Variants in LAMA2 observed in about 807,000 individuals in gnomAD.
The protein encoded by LAMA2 is laminin subunit alpha 2, also known as laminin subunit alpha-2.
A neutral mutation model predicts 364.8 loss-of-function variants in LAMA2; 269 were observed. The ratio of observed to expected loss-of-function variants is 0.74; its 90% CI spans 0.67 to 0.82. The LOEUF (loss-of-function observed/expected upper bound fraction) is 0.82. LAMA2 is among the 40% of genes least tolerant of loss of function. The probability of loss-of-function intolerance (pLI) is 0.00; values close to 1 mark genes in which losing one functional copy is unlikely to be tolerated. For synonymous variants in LAMA2, 1,379 were observed against 1,370.6 expected (o/e 1.01, Z -0.14); for missense variants, 3,807 against 3,873.2 (o/e 0.98, Z 0.45).
intron 30 of LAMA2, among the ~76,000 whole-genome samples, chr6:129,345,679 A>G (rs1193741167): frequency 2.0e-5 from 3 of 152,144 alleles, no homozygotes; most frequent in Non-Finnish European, 4.4e-5. Flanking sequence ...AACACACAAA[A>G]ACTTGTGTGT....
intron 1 of LAMA2, among the ~76,000 whole-genome samples, chr6:128,899,712 C>T (rs1047518049): frequency 1.3e-5 from 2 of 151,860 alleles, no homozygotes; most frequent in Admixed American, 6.6e-5. Flanking sequence ...TTATTAATAT[C>T]ACCTAGATAA....
intron 12 of LAMA2, among the ~76,000 whole-genome samples, chr6:129,213,648 T>C (rs1783241936): frequency 6.6e-6 from 1 of 152,220 alleles, no homozygotes; most frequent in Admixed American, 6.5e-5. Context: ...TGTTTTCATG[T>C]GCTTATTTTC....
At chr6:128,982,694 G>A (rs1782963432) in intron 1 of LAMA2, among the ~76,000 whole-genome samples, 1 of 150,868 alleles carries the variant, frequency 6.6e-6, no homozygotes, top group Admixed American at 6.6e-5. Flanking sequence ...GCCTGCTGGT[G>A]TGCTGCACCC....
chr6:129,512,294 C>A, intron 62 of LAMA2, 69 bp from the exon 63 acceptor site: 3 of 1,405,626 alleles, frequency 2.1e-6, no homozygotes, highest in Non-Finnish European at 1.0e-6. Flanking sequence ...AAAAGTCATG[C>A]ATTGTACACG....
chr6:129,251,070 C>CTATATATATA (rs1786184240), intron 13 of LAMA2, among the ~76,000 whole-genome samples: 2 of 67,642 alleles, frequency 3.0e-5, no homozygotes, highest in African/African-American at 9.6e-5. Flanking sequence ...CTCTCTCTCT[C>CTATATATATA]TCTCTCTATA....
intron 1 of LAMA2, among the ~76,000 whole-genome samples, chr6:128,944,648 AAAAAG>A (rs1310735532): frequency 6.6e-6 from 1 of 151,874 alleles, no homozygotes; most frequent in East Asian, 1.9e-4. Flanking sequence ...GAAAAAAAAA[AAAAAG>A]AAGAAAGAAA....
chr6:129,476,650 C>G (rs1360769755), intron 53 of LAMA2, among the ~76,000 whole-genome samples: 3 of 151,864 alleles, frequency 2.0e-5, no homozygotes, highest in Non-Finnish European at 4.4e-5. Context: ...AGTAACAAGA[C>G]CTCTGAAAAA....
intron 14 of LAMA2, among the ~76,000 whole-genome samples, chr6:129,253,041 T>C (rs1489831171): frequency 6.6e-6 from 1 of 152,106 alleles, no homozygotes; most frequent in African/African-American, 2.4e-5. Flanking sequence ...CCCCGCCCCC[T>C]TTTTTTAAAA....
At position 128,943,269 on chromosome 6, in the gene LAMA2, C is replaced by CACAGAGAGAGAG. The variant is rs1365657711; in HGVS notation, c.112+59913_112+59914insCAGAGAGAGAGA. On this transcript the variant is annotated intron_variant, in intron 1 of 64. Transcript: ENST00000421865. Reference sequence around the variant, plus strand: ...GAGAGAGTGTGTGTGTATATATACACAGAGAGAGAGAGAGAGAGAGAGAGA... The same window carrying CACAGAGAGAGAG: ...GAGAGAGTGTGTGTGTATATATACACACAGAGAGAGAGAGAGAGAGAGAGAGAGAGAGAGAGA... Among the ~76,000 whole-genome samples, 363 of 143,176 alleles carry CACAGAGAGAGAG rather than the reference C, an allele frequency of 2.5e-3. 3 individuals carry two copies. Among genetic ancestry groups the CACAGAGAGAGAG allele is most frequent in the African/African-American group, 8.9e-3 (344 of 38,604 alleles). 93.9% of individuals were successfully genotyped at this position (143,176 alleles called of 152,430 possible).
chr6:129,017,563 T>A (rs905691902), intron 1 of LAMA2, among the ~76,000 whole-genome samples: 9 of 152,068 alleles, frequency 5.9e-5, no homozygotes, highest in East Asian at 1.9e-4. Context: ...TATATATATA[T>A]AAAATGGTTT....
chr6:129,282,530 G>C (rs1788793666), intron 18 of LAMA2, among the ~76,000 whole-genome samples: 1 of 152,100 alleles, frequency 6.6e-6, no homozygotes, highest in Admixed American at 6.5e-5. Flanking sequence ...TTATATGCAA[G>C]GGTAGAGGGG....
intron 32 of LAMA2, among the ~76,000 whole-genome samples, chr6:129,357,214 C>A (rs1447337527): frequency 6.6e-6 from 1 of 151,974 alleles, no homozygotes; most frequent in African/African-American, 2.4e-5. Flanking sequence ...TATTTTGAAA[C>A]ACAAAACTTG....
chr6:129,211,583 G>T (rs764101277), intron 12 of LAMA2, among the ~76,000 whole-genome samples: 5 of 152,296 alleles, frequency 3.3e-5, no homozygotes, highest in Non-Finnish European at 5.9e-5. Context: ...AATGCCCGTG[G>T]TAAGTGTTCA....
At chr6:129,258,723 C>G (rs541403016) in intron 14 of LAMA2, among the ~76,000 whole-genome samples, 91 of 152,012 alleles carry the variant, frequency 6.0e-4, no homozygotes, top group Non-Finnish European at 9.4e-4. Flanking sequence ...ACTTGAAATG[C>G]TTAATTTTAT....
At chr6:129,462,083 T>G (rs2114804398) in intron 49 of LAMA2, among the ~76,000 whole-genome samples, 1 of 152,080 alleles carries the variant, frequency 6.6e-6, no homozygotes, top group Admixed American at 6.6e-5. Flanking sequence ...GTGAAGAACA[T>G]TCTAATTCCT....
At chr6:129,141,874 G>A (rs944615907) in intron 4 of LAMA2, among the ~76,000 whole-genome samples, 1 of 151,860 alleles carries the variant, frequency 6.6e-6, no homozygotes, top group Non-Finnish European at 1.5e-5. Context: ...GTGTGTATGT[G>A]TGTGTGAGTG....
chr6:129,174,214 T>C (rs753566337), intron 9 of LAMA2, among the ~76,000 whole-genome samples: 1 of 152,122 alleles, frequency 6.6e-6, no homozygotes, highest in Admixed American at 6.5e-5. Flanking sequence ...TCTTCATTTG[T>C]ATGATTTCAT....
At chr6:129,027,194 G>T (rs1002982373) in intron 1 of LAMA2, among the ~76,000 whole-genome samples, 1 of 152,078 alleles carries the variant, frequency 6.6e-6, no homozygotes, top group Admixed American at 6.6e-5. Context: ...GCTAGACACT[G>T]AGGAAGTTAT....
Position 129,348,205 on chromosome 6 carries a change from A to G in LAMA2, c.4437-1093A>G, listed in dbSNP as rs571495987. 2.6e-5 allele frequency among the ~76,000 whole-genome samples: 4 copies of G among 152,332 alleles called. No individual in the cohort carries two copies. The South Asian group carries it at 6.2e-4, about 24-fold the overall frequency. On this transcript the variant is annotated intron_variant, in intron 30 of 64. Coordinates refer to ENST00000421865, the MANE Select transcript of LAMA2 (RefSeq NM_000426.4). ...TAATGCGTTTGTGAGTAGTAGATCA[A>G]TTTGTTCACATATTTTGCAAAAGTT... is the stretch of plus-strand genomic sequence containing the variant.
Sources: allele counts gnomAD v4.1 joint callset (sites outside exome capture counted in the v4.1 genomes callset), GRCh38; gene constraint gnomAD v4.1.1; transcripts MANE v1.5; gene names NCBI Gene and HGNC (gene_info 2026-07-23, HGNC 2026-07-21).